COL14A1: variants seen among roughly 807,000 people sequenced by gnomAD.
COL14A1 encodes the protein collagen type XIV alpha 1 chain, also known as collagen alpha-1(XIV) chain.
Under a neutral mutation model 230.3 loss-of-function variants are expected in COL14A1, and 136 were observed. That is an observed-to-expected ratio of 0.59 (90% CI 0.51 to 0.68). The LOEUF (loss-of-function observed/expected upper bound fraction) is 0.68. COL14A1 is among the 30% of genes least tolerant of loss of function. The pLI, the probability that COL14A1 is intolerant of heterozygous loss-of-function variation, is 0.00. For synonymous variants in COL14A1, 792 were observed against 784.1 expected (o/e 1.01, Z -0.17); for missense variants, 1,976 against 2,215.8 (o/e 0.89, Z 2.17).
intron 9 of COL14A1, among the ~76,000 whole-genome samples, chr8:120,205,903 T>A (rs1055408275): frequency 3.3e-5 from 5 of 152,240 alleles, no homozygotes; most frequent in Admixed American, 6.5e-5. Context: ...CTCTTTATTA[T>A]AATTTACATA....
At chr8:120,236,265 T>C (rs1441185010) in intron 19 of COL14A1, among the ~76,000 whole-genome samples, 2 of 152,196 alleles carry the variant, frequency 1.3e-5, no homozygotes, top group African/African-American at 4.8e-5. Flanking sequence ...TCTTTGTAGG[T>C]TTCTAAGAAT....
intron 14 of COL14A1, among the ~76,000 whole-genome samples, chr8:120,222,309 A>G (rs1817956378): frequency 2.6e-5 from 4 of 152,204 alleles, no homozygotes; most frequent in Non-Finnish European, 4.4e-5. Flanking sequence ...TTAGAAGAAG[A>G]TAATCCATAT....
intron 4 of COL14A1, among the ~76,000 whole-genome samples, chr8:120,166,875 AGTGTGTGTGTGT>A (rs4053270): frequency 0.013 from 1,505 of 117,052 alleles, 34 homozygotes; most frequent in East Asian, 0.073. Context: ...AAAGAATTTA[AGTGTGTGTGTGT>A]GTGTGTGTGT....
intron 19 of COL14A1, among the ~76,000 whole-genome samples, chr8:120,240,999 C>G (rs760058565): frequency 4.6e-5 from 7 of 152,100 alleles, no homozygotes; most frequent in Non-Finnish European, 8.8e-5. Context: ...TTTTAAAAGG[C>G]TAGTCAGGAT....
In COL14A1 at chr8:120,278,131, T is replaced by A. The variant is rs757247183; in HGVS notation, c.3234T>A (p.Thr1078=). ...DGTQVAMVQF[T]DDPRTEFKLN... ...TCCAGGTTGCAATGGTTCAGTTCAC[T>A]GATGATCCCAGAACAGAATTTAAAC... Residue 1078 remains threonine (T), a synonymous_variant, in exon 27 of 48, where the codon ACT becomes ACA. Transcript: ENST00000297848. 3 of 1,609,610 alleles carry A rather than the reference T, an allele frequency of 1.9e-6. No individual in the cohort carries two copies. In the South Asian group the frequency reaches 3.3e-5, roughly 18 times the overall value.
intron 20 of COL14A1, among the ~76,000 whole-genome samples, chr8:120,244,777 G>T (rs1308274457): frequency 6.6e-6 from 1 of 152,140 alleles, no homozygotes; most frequent in African/African-American, 2.4e-5. Flanking sequence ...CTCCTGTCAG[G>T]TCTTCCTGCT....
Position 120,216,357 on chromosome 8 carries a change from T to G in COL14A1, c.1604T>G (p.Leu535Ter). The change falls in exon 14 of 48, where the codon TTA becomes TGA. Residue 535 changes from leucine (L) to a stop codon, truncating the protein, a stop_gained. Transcript: ENST00000297848. LOFTEE classifies it high-confidence loss of function. ...TATTCCATTTACTGCCAAGTGGCTT[T>G]AAGTCCACCAAGAAACCTGAGAATC... ...PVTGQETTLA[L>*]SPPRNLRISN... is the part of the protein sequence containing the mutation. 6.2e-7 allele frequency: 1 copy of G among 1,607,128 alleles called. No homozygotes were observed.
chr8:120,162,529 TA>T lies in COL14A1; in HGVS notation c.312del (p.Asp105IlefsTer16). The T allele has an allele frequency of 6.2e-7, 1 of 1,608,978 alleles. No individual in the cohort carries two copies. The highest frequency in any genetic ancestry group is 1.1e-5 in the South Asian group (1 of 89,556). ...NYTVQIIAYN[K>X]DKESKPAQGQ... The stretch of plus-strand genomic sequence containing the variant: ...ACACAGTTCAAATTATTGCATACAA[TA>T]AAGATAAAGAAAGCAAGCCAGCTCA... On this transcript the variant is annotated frameshift_variant, in exon 4 of 48. Coordinates refer to ENST00000297848, the MANE Select transcript of COL14A1 (RefSeq NM_021110.4). LOFTEE classifies it high-confidence loss of function.
chr8:120,257,444 G>A (rs889338355), intron 23 of COL14A1, among the ~76,000 whole-genome samples: 1 of 152,308 alleles, frequency 6.6e-6, no homozygotes, highest in Middle Eastern at 3.4e-3. Flanking sequence ...AATGTTTGAT[G>A]GAGGAGTGAG....
At chr8:120,360,013 G>T (rs1192555981) in intron 45 of COL14A1, among the ~76,000 whole-genome samples, 1 of 152,164 alleles carries the variant, frequency 6.6e-6, no homozygotes, top group Non-Finnish European at 1.5e-5. Flanking sequence ...TACCTATACT[G>T]TCTTGACTGA....
intron 19 of COL14A1, among the ~76,000 whole-genome samples, chr8:120,242,668 C>G (rs1294119750): frequency 6.6e-6 from 1 of 151,890 alleles, no homozygotes; most frequent in African/African-American, 2.4e-5. Flanking sequence ...ATCTCCTTCT[C>G]AGGACCCCGA....
Position 120,369,395 on chromosome 8 carries a change from C to A in COL14A1, c.5221C>A (p.Pro1741Thr). 1.2e-6 allele frequency: 2 copies of A among 1,610,494 alleles called. No individual in the cohort carries two copies. The highest frequency in any genetic ancestry group is 1.7e-6 in the Non-Finnish European group (2 of 1,178,434). ...PPGSPGPRGP[P>T]GHLGVPGPQG... is the part of the protein sequence containing the mutation. ...TGGCTCTCCTGGACCAAGAGGCCCA[C>A]CAGGTCATCTGGGGGTTCCTGGACC... is the stretch of plus-strand genomic sequence containing the variant. The change falls in exon 47 of 48, where the codon CCA (proline) becomes ACA (threonine). Residue 1741 changes from proline to threonine, a missense_variant. Pro to Thr is a conservative substitution (Grantham distance 38, BLOSUM62 -1). Transcript: ENST00000297848.
intron 10 of COL14A1, among the ~76,000 whole-genome samples, chr8:120,207,713 T>A (rs971726038): frequency 2.0e-5 from 3 of 152,020 alleles, no homozygotes; most frequent in Admixed American, 6.6e-5. Context: ...TCTTTTGTCT[T>A]TTTCTTTTTG....
At chr8:120,330,881 A>G (rs1821838050) in intron 40 of COL14A1, among the ~76,000 whole-genome samples, 2 of 152,120 alleles carry the variant, frequency 1.3e-5, no homozygotes, top group Admixed American at 6.5e-5. Context: ...CGAGGCAGGC[A>G]GATCACCTGA....
intron 13 of COL14A1, chr8:120,214,133 G>C (rs1431812572): frequency 5.1e-6 from 1 of 195,040 alleles, no homozygotes; most frequent in African/African-American, 2.4e-5. Context: ...TGGGATGAGA[G>C]AGTGTGAGTA....
At chr8:120,341,059 T>G (rs925224891) in intron 42 of COL14A1, among the ~76,000 whole-genome samples, 5 of 152,122 alleles carry the variant, frequency 3.3e-5, no homozygotes, top group Non-Finnish European at 7.4e-5. Context: ...TACAAAGCAA[T>G]ATTATTGCTG....
At chr8:120,214,815 T>A (rs925162911) in intron 13 of COL14A1, among the ~76,000 whole-genome samples, 2 of 150,746 alleles carry the variant, frequency 1.3e-5, no homozygotes, top group African/African-American at 4.9e-5. Flanking sequence ...TAGTATGGAG[T>A]GGAAGAGCTG....
intron 2 of COL14A1, among the ~76,000 whole-genome samples, chr8:120,156,225 A>G (rs1303000248): frequency 1.3e-5 from 2 of 151,098 alleles, no homozygotes; most frequent in Non-Finnish European, 2.9e-5. Flanking sequence ...GCTGGAGTGC[A>G]GTAGCCTGAT....
intron 19 of COL14A1, among the ~76,000 whole-genome samples, chr8:120,237,223 C>T (rs181517082): frequency 5.9e-5 from 9 of 152,326 alleles, no homozygotes; most frequent in Admixed American, 1.3e-4. Context: ...TCGTTCCATT[C>T]TCCCTGTCAC....
Sources: allele counts gnomAD v4.1 joint callset (sites outside exome capture counted in the v4.1 genomes callset), GRCh38; gene constraint gnomAD v4.1.1; transcripts MANE v1.5; gene names NCBI Gene and HGNC (gene_info 2026-07-23, HGNC 2026-07-21).